AMPH: variants seen among roughly 807,000 people sequenced by gnomAD.
AMPH encodes the protein amphiphysin.
In AMPH, 49 loss-of-function variants were observed where a neutral mutation model predicts 99.1. The observed-to-expected ratio is 0.49, with a 90% CI of 0.39 to 0.63. The LOEUF (loss-of-function observed/expected upper bound fraction) is 0.63, where lower values mean the gene tolerates loss of function less well. AMPH is among the 20% of genes least tolerant of loss of function. AMPH has a pLI of 0.00. For synonymous variants in AMPH, 314 were observed against 317.3 expected, an observed-to-expected ratio of 0.99 and a Z score of 0.11; for missense variants, 759 against 863.4, an observed-to-expected ratio of 0.88 and a Z score of 1.52.
At chr7:38,414,539 G>C (rs1424869457) in intron 17 of AMPH, among the ~76,000 whole-genome samples, 1 of 152,120 alleles carries the variant, frequency 6.6e-6, no homozygotes, top group Non-Finnish European at 1.5e-5. Context: ...TGGAATAAAT[G>C]TGGGTAAAAA....
At chr7:38,415,122 T>C (rs1174697551) in intron 17 of AMPH, among the ~76,000 whole-genome samples, 1 of 152,142 alleles carries the variant, frequency 6.6e-6, no homozygotes, top group Non-Finnish European at 1.5e-5. Flanking sequence ...ACTACCTATA[T>C]GAGAAATAAA....
chr7:38,462,946 A>T, intron 10 of AMPH, 29 bp downstream of exon 10: 1 of 1,524,700 alleles, frequency 6.6e-7, no homozygotes, highest in Non-Finnish European at 8.8e-7. Context: ...CATGAGCTCT[A>T]TCCCCCAATA....
chr7:38,520,346 G>GCATTATGACTAT (rs1789910250), intron 2 of AMPH, among the ~76,000 whole-genome samples: 1 of 152,100 alleles, frequency 6.6e-6, no homozygotes, highest in African/African-American at 2.4e-5. Flanking sequence ...TGCATGTATA[G>GCATTATGACTAT]TCATAAATAA....
chr7:38,572,138 C>T (rs1792068224), intron 1 of AMPH, among the ~76,000 whole-genome samples: 1 of 152,166 alleles, frequency 6.6e-6, no homozygotes. Context: ...CTCCCGACCT[C>T]AGGTGATCCG....
At chr7:38,453,020 C>T (rs867564858) in intron 11 of AMPH, among the ~76,000 whole-genome samples, 47 of 152,256 alleles carry the variant, frequency 3.1e-4, no homozygotes, top group South Asian at 4.1e-4. Flanking sequence ...GTTTCACTCC[C>T]GCTTTTGACA....
chr7:38,536,511 T>C (rs76006892), intron 1 of AMPH, among the ~76,000 whole-genome samples: 15,700 of 152,286 alleles, frequency 0.1, 1,188 homozygotes, highest in East Asian at 0.3. Flanking sequence ...TGATTTTGTA[T>C]TCTATTCTAA....
chr7:38,395,270 A>G (rs951425637), intron 17 of AMPH, among the ~76,000 whole-genome samples: 1 of 152,212 alleles, frequency 6.6e-6, no homozygotes, highest in African/African-American at 2.4e-5. Context: ...ACCCTCGAGA[A>G]TGAAGGGGAA....
chr7:38,542,758 C>A (rs1367991356), intron 1 of AMPH, among the ~76,000 whole-genome samples: 5 of 152,042 alleles, frequency 3.3e-5, no homozygotes, highest in Non-Finnish European at 7.4e-5. Flanking sequence ...GAGTTGGAGA[C>A]CAGCCTGAGC....
At chr7:38,440,076 G>A (rs1786445248) in intron 11 of AMPH, among the ~76,000 whole-genome samples, 1 of 152,142 alleles carries the variant, frequency 6.6e-6, no homozygotes, top group Admixed American at 6.5e-5. Context: ...GTAGAGCCTT[G>A]CATAGCTGCT....
At chr7:38,629,590 A>C (rs1794382705) in intron 1 of AMPH, among the ~76,000 whole-genome samples, 1 of 152,266 alleles carries the variant, frequency 6.6e-6, no homozygotes. Context: ...GGTGACCTAG[A>C]TTAAGAAATA....
intron 1 of AMPH, among the ~76,000 whole-genome samples, chr7:38,562,721 GA>G (rs1010644844): frequency 2.1e-4 from 31 of 149,050 alleles, no homozygotes; most frequent in African/African-American, 6.6e-4. Flanking sequence ...GTAAGAGAAA[GA>G]AAAAAAAACC....
intron 1 of AMPH, among the ~76,000 whole-genome samples, chr7:38,575,919 T>G (rs1027720475): frequency 2.0e-5 from 3 of 152,212 alleles, no homozygotes; most frequent in Non-Finnish European, 4.4e-5. Flanking sequence ...CCTAACCTGG[T>G]AGGGATATGG....
At chr7:38,571,301 A>T (rs1325941692) in intron 1 of AMPH, among the ~76,000 whole-genome samples, 1 of 73,208 alleles carries the variant, frequency 1.4e-5, no homozygotes, top group Non-Finnish European at 2.6e-5. Context: ...TTATATATGA[A>T]TATATATATT....
At chr7:38,523,959 C>G (rs984720503) in intron 2 of AMPH, among the ~76,000 whole-genome samples, 3 of 152,034 alleles carry the variant, frequency 2.0e-5, no homozygotes, top group African/African-American at 7.3e-5. Flanking sequence ...TATGTATTAA[C>G]TCTATACTAG....
chr7:38,631,345 C>G lies in AMPH; in HGVS notation c.7G>C (p.Asp3His). MA[D>H]IKTGIFAKNV... ...TTGGCGAAGATGCCCGTCTTGATGT[C>G]GGCCATGGCTGCGGGTCCGGGGAGC... The change falls in exon 1 of 21, where the codon GAC becomes CAC. Residue 3 changes from aspartate (D) to histidine (H), a missense_variant. This residue lies in a region of AMPH where 205 missense variants were observed against 287.9 expected (regional missense o/e 0.71). Transcript: ENST00000356264. 1 of 1,552,356 alleles carries G rather than the reference C, an allele frequency of 6.4e-7. No homozygotes were observed. The highest frequency in any genetic ancestry group is 8.7e-7 in the Non-Finnish European group (1 of 1,150,516).
intron 2 of AMPH, among the ~76,000 whole-genome samples, chr7:38,527,034 A>C (rs1206259427): frequency 6.6e-6 from 1 of 152,184 alleles, no homozygotes; most frequent in Non-Finnish European, 1.5e-5. Context: ...TCTTCCACTG[A>C]ATTGTTTTTA....
chr7:38,541,196 C>T (rs113519991), intron 1 of AMPH, among the ~76,000 whole-genome samples: 3 of 152,054 alleles, frequency 2.0e-5, no homozygotes, highest in African/African-American at 7.2e-5. Context: ...AGTCCATATA[C>T]CCACCTATCC....
chr7:38,479,083 A>G (rs1260084776), intron 5 of AMPH, among the ~76,000 whole-genome samples: 1 of 152,122 alleles, frequency 6.6e-6, no homozygotes, highest in African/African-American at 2.4e-5. Flanking sequence ...TTTTTTAAAT[A>G]ATGAAGACAT....
Position 38,592,293 on chromosome 7 carries a change from C to T in AMPH, c.69+38990G>A, listed in dbSNP as rs151231548. On this transcript the variant is annotated intron_variant, in intron 1 of 20. Coordinates refer to ENST00000356264, the MANE Select transcript of AMPH (RefSeq NM_001635.4). The stretch of plus-strand genomic sequence containing the variant: ...GTGCTGCAGAGATTTTGTTTATGGC[C>T]AGTTTTGGGGCCAGTTTATGGCCAG... Among the ~76,000 whole-genome samples, 759 of 152,246 alleles carry T rather than the reference C, an allele frequency of 5.0e-3. 6 individuals carry two copies. Among genetic ancestry groups the T allele is most frequent in the African/African-American group, 0.018 (732 of 41,546 alleles).
Sources: allele counts gnomAD v4.1 joint callset (sites outside exome capture counted in the v4.1 genomes callset), GRCh38; gene constraint gnomAD v4.1.1; regional missense constraint gnomAD v4.1.1; transcripts MANE v1.5; gene names NCBI Gene and HGNC (gene_info 2026-07-23, HGNC 2026-07-21).